The following FCHSD2 variants were observed in gnomAD, a reference collection of about 807,000 sequenced individuals.
FCHSD2 encodes the protein F-BAR and double SH3 domains protein 2.
Under a neutral mutation model 108.1 loss-of-function variants are expected in FCHSD2, and 38 were observed. That is an observed-to-expected ratio of 0.35 (90% CI 0.27 to 0.46). The LOEUF (loss-of-function observed/expected upper bound fraction) is 0.46. Ranked by LOEUF, FCHSD2 falls within the 20% of genes least tolerant of loss-of-function variation. The pLI is 1.00. For synonymous variants in FCHSD2, 279 were observed against 314.7 expected, an observed-to-expected ratio of 0.89 and a Z score of 1.20; for missense variants, 751 against 897.8, an observed-to-expected ratio of 0.84 and a Z score of 2.09.
At chr11:73,041,794 T>C (rs1858646154) in intron 3 of FCHSD2, among the ~76,000 whole-genome samples, 1 of 152,156 alleles carries the variant, frequency 6.6e-6, no homozygotes, top group African/African-American at 2.4e-5. Flanking sequence ...CACAGTTTTG[T>C]GTTTGGTTTG....
intron 5 of FCHSD2, among the ~76,000 whole-genome samples, chr11:72,996,548 T>A (rs1211444037): frequency 6.6e-6 from 1 of 152,222 alleles, no homozygotes; most frequent in African/African-American, 2.4e-5. Context: ...TTGAAAAATG[T>A]AATAATTCTC....
At position 72,843,653 on chromosome 11, in the gene FCHSD2, T is replaced by C. The variant is rs556017617; in HGVS notation, c.1444-121A>G. The C allele has an allele frequency of 7.6e-4, 521 of 681,622 alleles. 5 individuals carry two copies. In the African/African-American group the frequency reaches 8.3e-3, roughly 11 times the overall value. 42.2% of individuals were successfully genotyped at this position (681,622 alleles called of 1,614,324 possible). A position where few individuals can be genotyped will look rare whatever the true frequency, so the allele number is the denominator to read the frequency against. ...ATGATTTTGAGAAACATGTTGAACA[T>C]AAAAATTTAAATGCTGTAAAACTTT... is the stretch of plus-strand genomic sequence containing the variant. On this transcript the variant is annotated intron_variant, in intron 14 of 19. Transcript: ENST00000409418.
intron 3 of FCHSD2, among the ~76,000 whole-genome samples, chr11:73,031,928 GTTC>G (rs1381184639): frequency 6.6e-6 from 1 of 152,114 alleles, no homozygotes; most frequent in Non-Finnish European, 1.5e-5. Flanking sequence ...TATTATCAAT[GTTC>G]TTCTGGTATG....
At chr11:72,838,948 C>G in intron 19 of FCHSD2, 74 bp from the exon 20 acceptor site, 1 of 1,376,366 alleles carries the variant, frequency 7.3e-7, no homozygotes. Context: ...AAAACCTAAT[C>G]ACTCATCTGT....
At chr11:73,087,867 A>G (rs1185451576) in intron 2 of FCHSD2, among the ~76,000 whole-genome samples, 1 of 152,138 alleles carries the variant, frequency 6.6e-6, no homozygotes, top group African/African-American at 2.4e-5. Context: ...AGCTCCATTC[A>G]TGGCAAGTGC....
intron 8 of FCHSD2, among the ~76,000 whole-genome samples, chr11:72,957,827 G>C (rs1856744130): frequency 6.6e-6 from 1 of 152,012 alleles, no homozygotes; most frequent in African/African-American, 2.4e-5. Context: ...ATATACACAA[G>C]CACATAAATA....
chr11:72,852,290 AG>A (rs764945058), intron 13 of FCHSD2, among the ~76,000 whole-genome samples: 21 of 152,210 alleles, frequency 1.4e-4, no homozygotes, highest in Non-Finnish European at 2.5e-4. Flanking sequence ...AAATTAGTTC[AG>A]CCACTGTGGA....
intron 12 of FCHSD2, 49 bp from the exon 13 acceptor site, chr11:72,868,075 A>G (rs368488720): frequency 1.3e-4 from 204 of 1,518,416 alleles, no homozygotes; most frequent in Non-Finnish European, 2.7e-5. Context: ...ATTATTCACA[A>G]TAGCAAAGAT....
chr11:73,046,864 T>C (rs1414323162), intron 3 of FCHSD2, among the ~76,000 whole-genome samples: 1 of 152,146 alleles, frequency 6.6e-6, no homozygotes, highest in Non-Finnish European at 1.5e-5. Flanking sequence ...ATTACAATCG[T>C]AAGCTACCAT....
intron 8 of FCHSD2, among the ~76,000 whole-genome samples, chr11:72,973,728 T>C (rs1286928848): frequency 6.6e-6 from 1 of 152,238 alleles, no homozygotes; most frequent in African/African-American, 2.4e-5. Flanking sequence ...TTTATATAGT[T>C]AGAACATTCA....
intron 3 of FCHSD2, among the ~76,000 whole-genome samples, chr11:73,037,115 T>C (rs1167527848): frequency 6.6e-6 from 1 of 152,302 alleles, no homozygotes; most frequent in East Asian, 1.9e-4. Context: ...TTTTTAAAAA[T>C]TACAGACTTC....
At chr11:73,007,664 T>TCAAGAAATTCTTAA (rs1333440083) in intron 4 of FCHSD2, among the ~76,000 whole-genome samples, 1 of 151,628 alleles carries the variant, frequency 6.6e-6, no homozygotes, top group Non-Finnish European at 1.5e-5. Flanking sequence ...AAGAAAGAAA[T>TCAAGAAATTCTTAA]CAAGAAATTC....
At chr11:73,040,850 A>G (rs1162187417) in intron 3 of FCHSD2, among the ~76,000 whole-genome samples, 1 of 152,134 alleles carries the variant, frequency 6.6e-6, no homozygotes, top group Non-Finnish European at 1.5e-5. Flanking sequence ...ATTTGTACCC[A>G]TTAACCAATC....
chr11:73,023,016 T>C (rs1858144486), intron 3 of FCHSD2, among the ~76,000 whole-genome samples: 1 of 152,076 alleles, frequency 6.6e-6, no homozygotes, highest in Non-Finnish European at 1.5e-5. Flanking sequence ...ACAAAAACCC[T>C]TGACACATAC....
chr11:72,840,069 C>G (rs537869148), intron 19 of FCHSD2, among the ~76,000 whole-genome samples: 1 of 152,332 alleles, frequency 6.6e-6, no homozygotes, highest in African/African-American at 2.4e-5. Context: ...GCCACCACTT[C>G]TTTCTTGGAT....
At chr11:73,056,343 T>C (rs560767483) in intron 3 of FCHSD2, among the ~76,000 whole-genome samples, 2 of 152,198 alleles carry the variant, frequency 1.3e-5, no homozygotes, top group Non-Finnish European at 2.9e-5. Flanking sequence ...TGCTAATTGA[T>C]GTACAGGAGT....
Position 73,111,848 on chromosome 11 carries a change from TAAAC to T in FCHSD2, c.120-28112_120-28109del, listed in dbSNP as rs1171613030. Among the ~76,000 whole-genome samples the T allele has an allele frequency of 5.9e-5, 9 of 152,298 alleles. No individual in the cohort carries two copies. The South Asian group carries it at 1.7e-3, about 28-fold the overall frequency. ...TAAACTGATGACAACACTGATTGCA[TAAAC>T]AAACAAGCAAAAAGAAAACTAATAA... is the stretch of plus-strand genomic sequence containing the variant. On this transcript the variant is annotated intron_variant, in intron 2 of 19. Transcript: ENST00000409418.
At chr11:72,907,808 T>C (rs950900760) in intron 9 of FCHSD2, among the ~76,000 whole-genome samples, 31 of 152,114 alleles carry the variant, frequency 2.0e-4, no homozygotes, top group African/African-American at 6.0e-4. Flanking sequence ...TTAGCCAGGA[T>C]GGTCTCGATC....
chr11:72,838,271 G>A lies in FCHSD2; in HGVS notation c.*520C>T, dbSNP rs370575074. ...TTCCCAATAAGGTTTCACTTTCTCA[G>A]TCTGGGGACTAACCTTGGGGAGGAG... On this transcript the variant is annotated 3_prime_UTR_variant, in exon 20 of 20. Transcript: ENST00000409418. 1.3e-5 allele frequency: 2 copies of A among 153,984 alleles called. No homozygotes were observed. The highest frequency in any genetic ancestry group is 4.1e-4 in the South Asian group (2 of 4,928). The allele number at this position is 153,984 out of a possible 1,614,324, so 9.5% of individuals were successfully genotyped here. A position where few individuals can be genotyped will look rare whatever the true frequency, so the allele number is the denominator to read the frequency against.
Sources: allele counts gnomAD v4.1 joint callset (sites outside exome capture counted in the v4.1 genomes callset), GRCh38; gene constraint gnomAD v4.1.1; transcripts MANE v1.5; gene names NCBI Gene and HGNC (gene_info 2026-07-23, HGNC 2026-07-21).